CTNNA3: variants seen among roughly 807,000 people sequenced by gnomAD.
The protein encoded by CTNNA3 is catenin alpha-3.
Under a neutral mutation model 95.7 loss-of-function variants are expected in CTNNA3, and 76 were observed. That is an observed-to-expected ratio of 0.79 (90% CI 0.66 to 0.96). The LOEUF is 0.96. CTNNA3 is among the 40% of genes least tolerant of loss of function. CTNNA3 has a pLI of 0.00. For synonymous variants in CTNNA3, 431 were observed against 374.4 expected, an observed-to-expected ratio of 1.15 and a Z score of -1.74; for missense variants, 1,191 against 1,089.8, an observed-to-expected ratio of 1.09 and a Z score of -1.31.
intron 13 of CTNNA3, among the ~76,000 whole-genome samples, chr10:66,236,102 T>C (rs1485688860): frequency 6.6e-6 from 1 of 152,174 alleles, no homozygotes; most frequent in Non-Finnish European, 1.5e-5. Flanking sequence ...TGTATCTTTA[T>C]CTTCCCTTAA....
At chr10:66,360,117 G>A (rs182775109) in intron 12 of CTNNA3, among the ~76,000 whole-genome samples, 3 of 151,890 alleles carry the variant, frequency 2.0e-5, no homozygotes, top group Non-Finnish European at 4.4e-5. Context: ...ATGAGCCATC[G>A]CACCTGGCCC....
chr10:66,475,001 C>T (rs1839272610), intron 11 of CTNNA3, among the ~76,000 whole-genome samples: 1 of 152,014 alleles, frequency 6.6e-6, no homozygotes, highest in South Asian at 2.1e-4. Flanking sequence ...CAGACATTTA[C>T]TCTCATTCTG....
In CTNNA3 at chr10:66,055,755, C is replaced by T. The variant is rs2080069657; in HGVS notation, c.2159+13553G>A. The stretch of plus-strand genomic sequence containing the variant: ...TGACTAACATGGTGAAACCCCATCT[C>T]TACTAAAAATACAGAAATTAGCTGG... On this transcript the variant is annotated intron_variant, in intron 15 of 17. Transcript: ENST00000433211. Among the ~76,000 whole-genome samples the T allele has an allele frequency of 2.0e-5, 3 of 151,940 alleles. No individual in the cohort carries two copies. In the South Asian group the frequency reaches 6.2e-4, roughly 32 times the overall value.
intron 13 of CTNNA3, among the ~76,000 whole-genome samples, chr10:66,194,204 T>C (rs2086829854): frequency 1.3e-5 from 2 of 152,154 alleles, no homozygotes; most frequent in Admixed American, 1.3e-4. Context: ...AAGTAGCACA[T>C]TTTTCTTTGT....
intron 7 of CTNNA3, among the ~76,000 whole-genome samples, chr10:66,847,735 G>T (rs984552473): frequency 1.3e-5 from 2 of 152,108 alleles, no homozygotes; most frequent in Non-Finnish European, 2.9e-5. Context: ...AAAGTGCTCA[G>T]TACATATGTC....
intron 12 of CTNNA3, among the ~76,000 whole-genome samples, chr10:66,378,035 G>T (rs935973739): frequency 2.3e-5 from 3 of 129,886 alleles, no homozygotes; most frequent in Admixed American, 8.1e-5. Context: ...CAATGATTTT[G>T]TTTATCAACT....
intron 3 of CTNNA3, among the ~76,000 whole-genome samples, chr10:67,565,959 T>C (rs1029820105): frequency 7.6e-6 from 1 of 130,992 alleles, no homozygotes; most frequent in South Asian, 2.7e-4. Context: ...TGTCCATCAA[T>C]AGATGAATGG....
At chr10:66,012,068 C>A (rs2079015421) in intron 15 of CTNNA3, among the ~76,000 whole-genome samples, 1 of 152,260 alleles carries the variant, frequency 6.6e-6, no homozygotes, top group Non-Finnish European at 1.5e-5. Context: ...GTGGCTTATT[C>A]ACCCACGTAT....
chr10:65,995,941 A>G (rs925924621), intron 15 of CTNNA3, among the ~76,000 whole-genome samples: 2 of 152,162 alleles, frequency 1.3e-5, no homozygotes, highest in Non-Finnish European at 2.9e-5. Flanking sequence ...CATTGTGCAC[A>G]CAGGTACAGG....
At chr10:67,648,663 A>C in intron 1 of CTNNA3, 3 of 1,036,588 alleles carry the variant, frequency 2.9e-6, no homozygotes, top group Non-Finnish European at 3.9e-6. Flanking sequence ...TCTCAAATCA[A>C]AGTTTCAAAT....
rs564452941 is a variant in CTNNA3, at chr10:66,830,678, C to A, written c.1048-55154G>T. Among the ~76,000 whole-genome samples, 378 of 151,860 alleles carry A rather than the reference C, an allele frequency of 2.5e-3. 8 individuals carry two copies. The highest frequency in any genetic ancestry group is 0.021 in the Admixed American group (323 of 15,268). On this transcript the variant is annotated intron_variant, in intron 7 of 17. Transcript: ENST00000433211. ...AGGCTGGAGTGCAGTGGTGCGATCTCGGCTCACCGCAAGCTCCGCCTCCTG... is the reference window on the plus strand; with the variant it reads ...AGGCTGGAGTGCAGTGGTGCGATCTAGGCTCACCGCAAGCTCCGCCTCCTG...
chr10:67,310,611 G>A (rs1401566129), intron 5 of CTNNA3, among the ~76,000 whole-genome samples: 1 of 152,180 alleles, frequency 6.6e-6, no homozygotes, highest in East Asian at 1.9e-4. Context: ...GTTTCACATG[G>A]CTGGGAAGGC....
At chr10:67,720,535 T>A (rs901066905) in intron 1 of CTNNA3, among the ~76,000 whole-genome samples, 1 of 152,142 alleles carries the variant, frequency 6.6e-6, no homozygotes, top group Non-Finnish European at 1.5e-5. Flanking sequence ...CAGGAGCTCT[T>A]GTTACGCAGC....
chr10:66,118,557 G>A lies in CTNNA3; in HGVS notation c.1885-15308C>T, dbSNP rs1455803409. ...AATAATCTTTTCTTCCCTTCTAACC[G>A]TCACCTTATATTCTTATCTTTCCAC... is the stretch of plus-strand genomic sequence containing the variant. On this transcript the variant is annotated intron_variant, in intron 13 of 17. Coordinates refer to ENST00000433211, the MANE Select transcript of CTNNA3 (RefSeq NM_013266.4). 9.2e-5 allele frequency among the ~76,000 whole-genome samples: 14 copies of A among 151,964 alleles called. No homozygotes were observed. The South Asian group carries it at 2.1e-3, about 23-fold the overall frequency.
intron 7 of CTNNA3, among the ~76,000 whole-genome samples, chr10:67,018,530 A>C (rs1405413572): frequency 6.6e-6 from 1 of 152,208 alleles, no homozygotes; most frequent in Admixed American, 6.5e-5. Flanking sequence ...ATGACCTTTA[A>C]ATAAGGTTTC....
chr10:67,303,849 T>C (rs1001139623), intron 5 of CTNNA3, among the ~76,000 whole-genome samples: 1 of 152,210 alleles, frequency 6.6e-6, no homozygotes, highest in Non-Finnish European at 1.5e-5. Flanking sequence ...CACTGAATTC[T>C]CCTAGGATTT....
chr10:65,954,980 T>C (rs1178003301), intron 17 of CTNNA3, among the ~76,000 whole-genome samples: 1 of 152,218 alleles, frequency 6.6e-6, no homozygotes, highest in Non-Finnish European at 1.5e-5. Flanking sequence ...TCTTGGGCAG[T>C]ATGACCATTT....
At chr10:66,543,903 G>GTATATA (rs1249395466) in intron 10 of CTNNA3, among the ~76,000 whole-genome samples, 16 of 44,632 alleles carry the variant, frequency 3.6e-4, no homozygotes, top group Non-Finnish European at 6.3e-4. Flanking sequence ...CTTGAGATGT[G>GTATATA]TGTGTGTGTA....
intron 5 of CTNNA3, among the ~76,000 whole-genome samples, chr10:67,497,002 A>G (rs1482303106): frequency 6.6e-6 from 1 of 152,154 alleles, no homozygotes; most frequent in Admixed American, 6.5e-5. Flanking sequence ...TTAAATAGGT[A>G]TACACGTGCC....
Sources: gnomAD v4.1 joint callset for allele counts (sites outside exome capture counted in the v4.1 genomes callset) on GRCh38, gnomAD v4.1.1 for gene constraint, MANE v1.5 for transcripts, NCBI Gene and HGNC (gene_info 2026-07-23, HGNC 2026-07-21) for gene names.